Variants in SLC36A1 observed in about 807,000 individuals in gnomAD.
SLC36A1 encodes the protein proton-coupled amino acid transporter 1.
SLC36A1 carries 30 observed loss-of-function variants against 47.5 expected under a neutral mutation model. The ratio of observed to expected loss-of-function variants is 0.63; its 90% CI spans 0.47 to 0.86. SLC36A1 has a LOEUF of 0.86. Among genes scored for constraint, SLC36A1 ranks in the 40% least tolerant of loss-of-function variants. The pLI is 0.00. For synonymous variants in SLC36A1, 255 were observed against 249.7 expected, an observed-to-expected ratio of 1.02 and a Z score of -0.20; for missense variants, 517 against 606.0, an observed-to-expected ratio of 0.85 and a Z score of 1.54.
rs963239001 is a variant in SLC36A1 at position 151,488,499 on chromosome 5, C to G, written c.*245C>G. 1.9e-6 allele frequency: 1 copy of G among 525,934 alleles called. No individual in the cohort carries two copies. The highest frequency in any genetic ancestry group is 1.9e-5 in the African/African-American group (1 of 52,816). 32.6% of individuals were successfully genotyped at this position (525,934 alleles called of 1,614,324 possible). A position where few individuals can be genotyped will look rare whatever the true frequency, so the allele number is the denominator to read the frequency against. On this transcript the variant is annotated 3_prime_UTR_variant, in exon 11 of 11. Coordinates refer to ENST00000243389, the MANE Select transcript of SLC36A1 (RefSeq NM_078483.4). ...TCGCTCACCTGTACCTATTTACACCCAGAACTTTCCAGCTCCCCCTCATCA... is the reference window on the plus strand; with the variant it reads ...TCGCTCACCTGTACCTATTTACACCGAGAACTTTCCAGCTCCCCCTCATCA...
the SLC36A1 span, among the ~76,000 whole-genome samples, chr5:151,520,392 T>A: frequency 6.6e-6 from 1 of 152,226 alleles, no homozygotes; most frequent in Non-Finnish European, 1.5e-5. Context: ...TTGGAAGCTG[T>A]ACAATTTCAG....
chr5:151,433,247 T>A (rs1270504876), upstream of SLC36A1, among the ~76,000 whole-genome samples: 6 of 14,438 alleles, frequency 4.2e-4, no homozygotes, highest in East Asian at 0.014. Context: ...TATATATATA[T>A]ATATATATAT....
chr5:151,513,222 A>G, the SLC36A1 span, among the ~76,000 whole-genome samples: 8,969 of 152,312 alleles, frequency 0.059, 559 homozygotes, highest in East Asian at 0.3. Flanking sequence ...CAAAAATGTA[A>G]AACAATGCCA....
At chr5:151,543,600 A>G in the SLC36A1 span, 356 of 1,614,212 alleles carry the variant, frequency 2.2e-4, no homozygotes, top group African/African-American at 3.5e-3. Flanking sequence ...AGGGACCACT[A>G]TCTTTGTCTA....
chr5:151,477,226 TAGTG>T (rs904913789), intron 9 of SLC36A1, among the ~76,000 whole-genome samples: 3 of 152,176 alleles, frequency 2.0e-5, no homozygotes, highest in African/African-American at 2.4e-5. Flanking sequence ...TATAGGGAAA[TAGTG>T]AGCCATTTTG....
the SLC36A1 span, among the ~76,000 whole-genome samples, chr5:151,502,045 C>T: frequency 1.3e-5 from 2 of 148,348 alleles, no homozygotes; most frequent in African/African-American, 5.3e-5. Flanking sequence ...GGTGCGGTGG[C>T]TCATGCCTGT....
chr5:151,437,864 T>C (rs1477350257), intron 1 of SLC36A1, among the ~76,000 whole-genome samples: 8 of 152,198 alleles, frequency 5.3e-5, no homozygotes, highest in Non-Finnish European at 1.2e-4. Context: ...TGTGTTCTTC[T>C]GGAGGCTGTA....
At chr5:151,428,935 C>T in the SLC36A1 span, among the ~76,000 whole-genome samples, 4 of 152,160 alleles carry the variant, frequency 2.6e-5, no homozygotes, top group Non-Finnish European at 5.9e-5. Context: ...ACCTGGCCGT[C>T]CGTCTGCTGC....
At chr5:151,464,386 C>T in intron 3 of SLC36A1, 128 bp from the exon 4 acceptor site, 1 of 724,984 alleles carries the variant, frequency 1.4e-6, no homozygotes, top group Non-Finnish European at 2.4e-6. Context: ...TAATGCTGGG[C>T]CCAAAGTTTT....
the SLC36A1 span, among the ~76,000 whole-genome samples, chr5:151,416,515 A>C: frequency 6.6e-6 from 1 of 152,242 alleles, no homozygotes; most frequent in Non-Finnish European, 1.5e-5. Flanking sequence ...TGCTAAATTG[A>C]CAATGATTTA....
At chr5:151,367,305 C>T in the SLC36A1 span, among the ~76,000 whole-genome samples, 33 of 151,212 alleles carry the variant, frequency 2.2e-4, no homozygotes, top group South Asian at 2.3e-3. Context: ...CTTATCTCAA[C>T]GGCACAAGAC....
chr5:151,536,576 C>T, the SLC36A1 span, among the ~76,000 whole-genome samples: 3 of 152,170 alleles, frequency 2.0e-5, no homozygotes, highest in African/African-American at 7.2e-5. Context: ...TCCACTCCAC[C>T]AGACTCTCAC....
At chr5:151,400,367 A>G in the SLC36A1 span, among the ~76,000 whole-genome samples, 4 of 152,226 alleles carry the variant, frequency 2.6e-5, no homozygotes, top group African/African-American at 4.8e-5. Flanking sequence ...ATAGTATTCC[A>G]TGTGGTATAT....
chr5:151,537,224 G>C, the SLC36A1 span, among the ~76,000 whole-genome samples: 1 of 150,812 alleles, frequency 6.6e-6, no homozygotes, highest in African/African-American at 2.4e-5. Flanking sequence ...AGAAGAAGAG[G>C]AGGAGGAGGA....
At chr5:151,542,556 G>A in the SLC36A1 span, 1 of 1,614,166 alleles carries the variant, frequency 6.2e-7, no homozygotes, top group Non-Finnish European at 8.5e-7. Flanking sequence ...GGAGTGTGGT[G>A]ATCCAACCAC....
intron 1 of SLC36A1, among the ~76,000 whole-genome samples, chr5:151,442,343 T>G (rs1182614065): frequency 6.6e-6 from 1 of 152,164 alleles, no homozygotes; most frequent in African/African-American, 2.4e-5. Context: ...TCACAGGAAT[T>G]TTAAATACAG....
At chr5:151,463,484 A>T (rs112319476) in intron 2 of SLC36A1, 69 bp from the exon 3 acceptor site, 1 of 1,086,512 alleles carries the variant, frequency 9.2e-7, no homozygotes, top group East Asian at 2.4e-5. Flanking sequence ...GATAATGCAT[A>T]TAAGCACTGA....
the SLC36A1 span, chr5:151,526,028 G>A: frequency 1.1e-4 from 159 of 1,507,938 alleles, no homozygotes; most frequent in South Asian, 5.2e-4. Context: ...CCTTTCGCAC[G>A]TGTCTGGGTA....
chr5:151,507,502 C>T, the SLC36A1 span: 3 of 1,614,160 alleles, frequency 1.9e-6, no homozygotes, highest in African/African-American at 4.0e-5. Context: ...ATAATGAACG[C>T]CACGGCCACT....
Sources: gnomAD v4.1 joint callset for allele counts (sites outside exome capture counted in the v4.1 genomes callset) on GRCh38, gnomAD v4.1.1 for gene constraint, MANE v1.5 for transcripts, NCBI Gene and HGNC (gene_info 2026-07-23, HGNC 2026-07-21) for gene names.